Variants in DCPS observed in about 807,000 individuals in gnomAD.
DCPS encodes the protein decapping enzyme, scavenger.
A neutral mutation model predicts 34.7 loss-of-function variants in DCPS; 27 were observed. The ratio of observed to expected loss-of-function variants is 0.78; its 90% CI spans 0.57 to 1.07. DCPS has a LOEUF of 1.07. DCPS is among the 50% of genes least tolerant of loss of function. The pLI is 0.00. For missense variants in DCPS, 464 were observed against 436.9 expected, an observed-to-expected ratio of 1.06 and a Z score of -0.55; for synonymous variants, 185 against 185.7, an observed-to-expected ratio of 1.00 and a Z score of 0.03.
rs536082238 is a variant in DCPS, at chr11:126,319,158, C to T, written c.377-12247C>T. 1.3e-5 allele frequency among the ~76,000 whole-genome samples: 2 copies of T among 152,204 alleles called. No individual in the cohort carries two copies. Among genetic ancestry groups the T allele is most frequent in the East Asian group, 1.9e-4 (1 of 5,166 alleles). ...GAGAAGGAACATATGCCTAGAGGGG[C>T]GCTTTTCAGCTGGAGGCATCACTAT... On this transcript the variant is annotated intron_variant, in intron 2 of 5. Coordinates refer to ENST00000263579, the MANE Select transcript of DCPS (RefSeq NM_014026.6). The surrounding 1 kb of genome is among the most constrained non-coding windows in gnomAD (Gnocchi z 4.5).
chr11:126,326,636 C>A (rs2135323018), intron 2 of DCPS, among the ~76,000 whole-genome samples: 1 of 152,286 alleles, frequency 6.6e-6, no homozygotes, highest in South Asian at 2.1e-4. Flanking sequence ...TATAAAAGGA[C>A]TTCACGGCCG....
intron 4 of DCPS, among the ~76,000 whole-genome samples, chr11:126,340,466 C>A (rs577571767): frequency 5.9e-5 from 9 of 152,168 alleles, no homozygotes; most frequent in Non-Finnish European, 1.2e-4. Flanking sequence ...GGACTACAGG[C>A]GTGAGCCACC....
rs1267042307 is a variant in DCPS, at chr11:126,320,826, G to A, written c.377-10579G>A. Among the ~76,000 whole-genome samples, 1 of 152,112 alleles carries A rather than the reference G, an allele frequency of 6.6e-6. No individual in the cohort carries two copies. Among genetic ancestry groups the A allele is most frequent in the Non-Finnish European group, 1.5e-5 (1 of 68,026 alleles). On this transcript the variant is annotated intron_variant, in intron 2 of 5. Transcript: ENST00000263579. This position sits in a 1 kb window ranked among gnomAD's most constrained non-coding sequence, Gnocchi z 4.7. Reference sequence around the variant, plus strand: ...AACAAAATTTCCAAACCTAGGATACGTAGGGAGGAGCAGTAACTGGATCTG... The same window carrying A: ...AACAAAATTTCCAAACCTAGGATACATAGGGAGGAGCAGTAACTGGATCTG...
At chr11:126,317,153 G>T (rs1189611788) in intron 2 of DCPS, among the ~76,000 whole-genome samples, 1 of 151,806 alleles carries the variant, frequency 6.6e-6, no homozygotes, top group Non-Finnish European at 1.5e-5. Flanking sequence ...TAGAGACGGG[G>T]TTTCACCATG....
rs2135312922 is a variant in DCPS, at chr11:126,313,288, G to A, written c.376+6544G>A. The stretch of plus-strand genomic sequence containing the variant: ...CCCGGTACTGTAGCCACAGGCCAGG[G>A]TTTTCCGCCCTGTGCTATTTGCAGA... On this transcript the variant is annotated intron_variant, in intron 2 of 5. Coordinates refer to ENST00000263579, the MANE Select transcript of DCPS (RefSeq NM_014026.6). This position sits in a 1 kb window ranked among gnomAD's most constrained non-coding sequence, Gnocchi z 4.9. Among the ~76,000 whole-genome samples, 1 of 152,312 alleles carries A rather than the reference G, an allele frequency of 6.6e-6. No individual in the cohort carries two copies. The highest frequency in any genetic ancestry group is 2.4e-5 in the African/African-American group (1 of 41,564).
rs970749427 is a variant in DCPS, at chr11:126,327,719, A to T, written c.377-3686A>T. Among the ~76,000 whole-genome samples, 1 of 152,232 alleles carries T rather than the reference A, an allele frequency of 6.6e-6. No individual in the cohort carries two copies. The highest frequency in any genetic ancestry group is 1.5e-5 in the Non-Finnish European group (1 of 68,032). Reference sequence around the variant, plus strand: ...ATTTGTATCAGAGAGGTTTTATTTCATCTGGGACAAAAATGCTCTTCCTGG... The same window carrying T: ...ATTTGTATCAGAGAGGTTTTATTTCTTCTGGGACAAAAATGCTCTTCCTGG... On this transcript the variant is annotated intron_variant, in intron 2 of 5. Coordinates refer to ENST00000263579, the MANE Select transcript of DCPS (RefSeq NM_014026.6). The surrounding 1 kb of genome is among the most constrained non-coding windows in gnomAD (Gnocchi z 4.1).
In DCPS at chr11:126,346,593, C is replaced by T. The variant is rs1012594245; in HGVS notation, c.*980C>T. 6.6e-6 allele frequency among the ~76,000 whole-genome samples: 1 copy of T among 152,240 alleles called. No homozygotes were observed. Among genetic ancestry groups the T allele is most frequent in the Admixed American group, 6.5e-5 (1 of 15,286 alleles). On this transcript the variant is annotated 3_prime_UTR_variant, in exon 6 of 6. Transcript: ENST00000263579. This position sits in a 1 kb window ranked among gnomAD's most constrained non-coding sequence, Gnocchi z 4.1. ...CTCTCTCCAGCACACAGGACCAAGGCATCATGCTGCCAGAGGGGCTGGTGT... is the reference window on the plus strand; with the variant it reads ...CTCTCTCCAGCACACAGGACCAAGGTATCATGCTGCCAGAGGGGCTGGTGT...
Position 126,348,357 on chromosome 11 carries a change from G to A in DCPS, c.*2744G>A, listed in dbSNP as rs142278282. Among the ~76,000 whole-genome samples, 388 of 152,266 alleles carry A rather than the reference G, an allele frequency of 2.5e-3. 4 individuals are homozygous for A. Among genetic ancestry groups the A allele is most frequent in the African/African-American group, 8.4e-3 (347 of 41,544 alleles). On this transcript the variant is annotated 3_prime_UTR_variant, in exon 6 of 6. Coordinates refer to ENST00000263579, the MANE Select transcript of DCPS (RefSeq NM_014026.6). The surrounding 1 kb of genome is among the most constrained non-coding windows in gnomAD (Gnocchi z 5.3). ...TATCTTCACCACAGTACAGAAGGGG[G>A]CCCCTCTCCAGGCCTCACCACTTAA...
chr11:126,309,654 C>T (rs1371280190), intron 2 of DCPS, among the ~76,000 whole-genome samples: 3 of 152,130 alleles, frequency 2.0e-5, no homozygotes, highest in African/African-American at 4.8e-5. Context: ...CGGTGCCTTT[C>T]GCTCCTGCTT....
In DCPS at chr11:126,322,023, G is replaced by T. The variant is rs1157275742; in HGVS notation, c.377-9382G>T. 6.6e-6 allele frequency among the ~76,000 whole-genome samples: 1 copy of T among 152,134 alleles called. No homozygotes were observed. The highest frequency in any genetic ancestry group is 1.5e-5 in the Non-Finnish European group (1 of 68,012). On this transcript the variant is annotated intron_variant, in intron 2 of 5. Transcript: ENST00000263579. This position sits in a 1 kb window ranked among gnomAD's most constrained non-coding sequence, Gnocchi z 4.2. ...GGGTGTTGCAGAAAGAAAAGGCAGA[G>T]AAAATGAAGAAGAAAGGTCTTTAAA...
At chr11:126,318,425 T>C (rs1951679304) in intron 2 of DCPS, among the ~76,000 whole-genome samples, 1 of 152,216 alleles carries the variant, frequency 6.6e-6, no homozygotes, top group Non-Finnish European at 1.5e-5. Flanking sequence ...CTCCACCCTC[T>C]GGCCTGGTCT....
In DCPS at chr11:126,321,244, C is replaced by A. The variant is rs569399196; in HGVS notation, c.377-10161C>A. On this transcript the variant is annotated intron_variant, in intron 2 of 5. Coordinates refer to ENST00000263579, the MANE Select transcript of DCPS (RefSeq NM_014026.6). Reference sequence around the variant, plus strand: ...CACTCCATCCTGGGTGATAGTGGGACCTTGTCTCAAAAAAAAAAAAAAAAA... The same window carrying A: ...CACTCCATCCTGGGTGATAGTGGGAACTTGTCTCAAAAAAAAAAAAAAAAA... 1.8e-4 allele frequency among the ~76,000 whole-genome samples: 25 copies of A among 137,794 alleles called. No individual in the cohort carries two copies. In the South Asian group the frequency reaches 5.3e-3, roughly 29 times the overall value. 90.4% of individuals were successfully genotyped at this position (137,794 alleles called of 152,430 possible).
rs1296246947 is a variant in DCPS at position 126,348,583 on chromosome 11, G to A, written c.*2970G>A. 3.3e-5 allele frequency among the ~76,000 whole-genome samples: 5 copies of A among 152,250 alleles called. No homozygotes were observed. Among genetic ancestry groups the A allele is most frequent in the Admixed American group, 3.3e-4 (5 of 15,284 alleles). On this transcript the variant is annotated 3_prime_UTR_variant, in exon 6 of 6. Transcript: ENST00000263579. This position sits in a 1 kb window ranked among gnomAD's most constrained non-coding sequence, Gnocchi z 5.3. ...GCACCAGGGTTGGCTGCTCTGCCAA[G>A]TCCTGTTGAGACTCCAAAAGCATAG...
chr11:126,324,234 TTG>T (rs1951725651), intron 2 of DCPS, among the ~76,000 whole-genome samples: 1 of 152,230 alleles, frequency 6.6e-6, no homozygotes, highest in African/African-American at 2.4e-5. Context: ...TGACAAATAA[TTG>T]TGCATAATGA....
chr11:126,322,845 T>G lies in DCPS; in HGVS notation c.377-8560T>G, dbSNP rs1452967011. Among the ~76,000 whole-genome samples, 1 of 152,230 alleles carries G rather than the reference T, an allele frequency of 6.6e-6. No homozygotes were observed. The highest frequency in any genetic ancestry group is 1.5e-5 in the Non-Finnish European group (1 of 68,038). On this transcript the variant is annotated intron_variant, in intron 2 of 5. Transcript: ENST00000263579. This position sits in a 1 kb window ranked among gnomAD's most constrained non-coding sequence, Gnocchi z 4.2. Reference sequence around the variant, plus strand: ...TTTAGCAAGAAGCAAAAAAATTTTTTTGAGACAATGTCTCACTTTGTTGCC... The same window carrying G: ...TTTAGCAAGAAGCAAAAAAATTTTTGTGAGACAATGTCTCACTTTGTTGCC...
chr11:126,344,269 C>T lies in DCPS; in HGVS notation c.747+852C>T, dbSNP rs1951899835. ...TACCCAGCTTCCCCTGCTGCTGGGC[C>T]CCGATCTATCTTCCCTCCTGCTCAC... On this transcript the variant is annotated intron_variant, in intron 5 of 5. Coordinates refer to ENST00000263579, the MANE Select transcript of DCPS (RefSeq NM_014026.6). The surrounding 1 kb of genome is among the most constrained non-coding windows in gnomAD (Gnocchi z 8.1). 1.3e-5 allele frequency among the ~76,000 whole-genome samples: 2 copies of T among 152,150 alleles called. No individual in the cohort carries two copies. Among genetic ancestry groups the T allele is most frequent in the Non-Finnish European group, 2.9e-5 (2 of 68,022 alleles).
Position 126,304,114 on chromosome 11 carries a change from A to C in DCPS, c.34A>C (p.Lys12Gln), listed in dbSNP as rs1951542273. Reference protein sequence around the residue: ...ADAAPQLGKRKRELDVEEAHA... With the variant: ...ADAAPQLGKRQRELDVEEAHA... Reference sequence around the variant, plus strand: ...CGCAGCTCCTCAACTAGGCAAGAGGAAGCGCGAATTGGACGTGGAGGAGGC... The same window carrying C: ...CGCAGCTCCTCAACTAGGCAAGAGGCAGCGCGAATTGGACGTGGAGGAGGC... The change falls in exon 1 of 6, where the codon AAG (lysine) becomes CAG (glutamine). Residue 12 changes from lysine to glutamine, a missense_variant. Coordinates refer to ENST00000263579, the MANE Select transcript of DCPS (RefSeq NM_014026.6). 1 of 1,613,354 alleles carries C rather than the reference A, an allele frequency of 6.2e-7. No individual in the cohort carries two copies. The highest frequency in any genetic ancestry group is 8.5e-7 in the Non-Finnish European group (1 of 1,179,694).
rs1951636474 is a variant in DCPS, at chr11:126,313,806, TC to T, written c.376+7063del. 6.6e-6 allele frequency among the ~76,000 whole-genome samples: 1 copy of T among 152,242 alleles called. No individual in the cohort carries two copies. Among genetic ancestry groups the T allele is most frequent in the Non-Finnish European group, 1.5e-5 (1 of 68,036 alleles). On this transcript the variant is annotated intron_variant, in intron 2 of 5. Coordinates refer to ENST00000263579, the MANE Select transcript of DCPS (RefSeq NM_014026.6). The surrounding 1 kb of genome is among the most constrained non-coding windows in gnomAD (Gnocchi z 4.9). Reference sequence around the variant, plus strand: ...GATTGTGTGTTCTGAGCATATGTATTCTTTTTATTTTACTTAGGTTTTTAAG... The same window carrying T: ...GATTGTGTGTTCTGAGCATATGTATTTTTTTATTTTACTTAGGTTTTTAAG...
At position 126,343,403 on chromosome 11, in the gene DCPS, C is replaced by A; in HGVS notation, c.733C>A (p.Leu245Ile). ...PEHLPLLRNI[L>I]HQGQEAILQR... is the part of the protein sequence containing the mutation. ...GCACTTGCCGCTGCTCAGGAACATC[C>A]TCCACCAGGGGCAGGTGAGTGGCTT... Residue 245 changes from leucine to isoleucine, a missense_variant, in exon 5 of 6, where the codon CTC becomes ATC. Transcript: ENST00000263579. 6.2e-7 allele frequency: 1 copy of A among 1,613,510 alleles called. No homozygotes were observed. Among genetic ancestry groups the A allele is most frequent in the Non-Finnish European group, 8.5e-7 (1 of 1,179,764 alleles).
Sources: gnomAD v4.1 joint callset for allele counts (sites outside exome capture counted in the v4.1 genomes callset) on GRCh38, gnomAD v4.1.1 for gene constraint, Gnocchi (gnomAD v3.1) non-coding constraint, MANE v1.5 for transcripts, NCBI Gene and HGNC (gene_info 2026-07-23, HGNC 2026-07-21) for gene names.